Variants in BBS4 observed in about 807,000 individuals in gnomAD.
The protein encoded by BBS4 is BBSome complex member BBS4.
In BBS4, 58 loss-of-function variants were observed where a neutral mutation model predicts 71.4. The observed-to-expected ratio is 0.81, with a 90% confidence interval of 0.66 to 1.01. The LOEUF (loss-of-function observed/expected upper bound fraction) is 1.01. BBS4 is among the 50% of genes least tolerant of loss of function. The probability of loss-of-function intolerance (pLI) is 0.00; values close to 1 mark genes in which losing one functional copy is unlikely to be tolerated. For synonymous variants in BBS4, 228 were observed against 216.8 expected (o/e 1.05, Z -0.46); for missense variants, 660 against 607.9 (o/e 1.09, Z -0.90).
chr15:72,712,315 A>G lies in BBS4; in HGVS notation c.220+8A>G. The G allele has an allele frequency of 6.2e-7, 1 of 1,611,590 alleles. No individual in the cohort carries two copies. The highest frequency in any genetic ancestry group is 8.5e-7 in the Non-Finnish European group (1 of 1,177,654). On this transcript the variant is annotated splice_region_variant and intron_variant, in intron 4 of 15. Transcript: ENST00000268057. ...ATGCTATCTATGTCCAAGGTAAGAC[A>G]CATACTTCTTGTCTTCTTGCTAGAG...
chr15:72,688,431 T>TTTTTTTTTTTTTTTTTTTTTAA, intron 1 of BBS4, among the ~76,000 whole-genome samples: 1 of 144,658 alleles, frequency 6.9e-6, no homozygotes, highest in Admixed American at 6.9e-5. Flanking sequence ...TTTTTTTTTT[T>TTTTTTTTTTTTTTTTTTTTTAA]GAGACGGAGT....
intron 2 of BBS4, among the ~76,000 whole-genome samples, chr15:72,707,387 C>T (rs1213608696): frequency 3.3e-5 from 5 of 151,868 alleles, no homozygotes; most frequent in African/African-American, 1.2e-4. Flanking sequence ...CCATGTTGTC[C>T]AGGCTGACCT....
intron 2 of BBS4, among the ~76,000 whole-genome samples, chr15:72,695,618 A>G (rs1044179629): frequency 2.6e-5 from 4 of 152,168 alleles, no homozygotes; most frequent in African/African-American, 9.7e-5. Flanking sequence ...TCTTTTATCT[A>G]TTCTATATTA....
chr15:72,692,699 A>G (rs578044838), intron 1 of BBS4, among the ~76,000 whole-genome samples: 1 of 151,260 alleles, frequency 6.6e-6, no homozygotes, highest in African/African-American at 2.4e-5. Flanking sequence ...GGCTTAAGAG[A>G]TCCTCCCACC....
chr15:72,687,782 T>C (rs894655518), intron 1 of BBS4, among the ~76,000 whole-genome samples: 1 of 150,522 alleles, frequency 6.6e-6, no homozygotes, highest in African/African-American at 2.4e-5. Context: ...ATACAAAAAA[T>C]TAGCTGGACG....
intron 2 of BBS4, among the ~76,000 whole-genome samples, chr15:72,702,552 CTTTT>C (rs58374400): frequency 1.3e-5 from 2 of 151,832 alleles, no homozygotes; most frequent in African/African-American, 2.4e-5. Flanking sequence ...TTTTATATGA[CTTTT>C]TTCTTCCTCA....
chr15:72,695,749 G>A (rs1205569623), intron 2 of BBS4, among the ~76,000 whole-genome samples: 2 of 152,194 alleles, frequency 1.3e-5, no homozygotes, highest in African/African-American at 4.8e-5. Flanking sequence ...TTTAAATGGG[G>A]TTTGATTATT....
rs764080550 is a variant in BBS4 at position 72,731,365 on chromosome 15, A to G, written c.772A>G (p.Lys258Glu). ...CGGGGACTTTGATGTTGCCCTCACC[A>G]AATACAGAGTTGTGGCTTGTGCTGT... ...THGDFDVALTKYRVVACAVPE... is the reference protein window; with the variant it reads ...THGDFDVALTEYRVVACAVPE... The change falls in exon 11 of 16, where the codon AAA becomes GAA. Residue 258 changes from lysine (K) to glutamate (E), a missense_variant. Transcript: ENST00000268057. 1 of 1,614,152 alleles carries G rather than the reference A, an allele frequency of 6.2e-7. No homozygotes were observed. Among genetic ancestry groups the G allele is most frequent in the South Asian group, 1.1e-5 (1 of 91,080 alleles).
At chr15:72,722,887 A>G (rs966935212) in intron 7 of BBS4, 40 bp downstream of exon 7, 5 of 1,565,408 alleles carry the variant, frequency 3.2e-6, no homozygotes, top group Non-Finnish European at 3.5e-6. Flanking sequence ...CTGAGGGTGC[A>G]CTTGTTGCAG....
chr15:72,702,838 C>T (rs1168377353), intron 2 of BBS4, among the ~76,000 whole-genome samples: 110 of 89,550 alleles, frequency 1.2e-3, no homozygotes, highest in African/African-American at 3.9e-3. Flanking sequence ...GACGGAGTCT[C>T]GCTCTGTCGC....
chr15:72,732,471 T>A (rs1450797411), intron 12 of BBS4, among the ~76,000 whole-genome samples: 2 of 152,206 alleles, frequency 1.3e-5, no homozygotes, highest in Non-Finnish European at 2.9e-5. Flanking sequence ...CCATATACAT[T>A]TACTTACTAA....
In BBS4 at chr15:72,738,339, A is replaced by G. The variant is rs1301143036; in HGVS notation, c.*752A>G. The G allele has an allele frequency of 2.2e-5, 10 of 453,940 alleles. No individual in the cohort carries two copies. Among genetic ancestry groups the G allele is most frequent in the Admixed American group, 1.4e-4 (6 of 42,544 alleles). 28.1% of individuals were successfully genotyped at this position (453,940 alleles called of 1,614,324 possible). A position where few individuals can be genotyped will look rare whatever the true frequency, so the allele number is the denominator to read the frequency against. Reference sequence around the variant, plus strand: ...TAATTGTTATTGAAGATAGTCAGTGATAACCACTGACCAGATGCTATCAAT... The same window carrying G: ...TAATTGTTATTGAAGATAGTCAGTGGTAACCACTGACCAGATGCTATCAAT... On this transcript the variant is annotated 3_prime_UTR_variant, in exon 16 of 16. Coordinates refer to ENST00000268057, the MANE Select transcript of BBS4 (RefSeq NM_033028.5).
Position 72,727,992 on chromosome 15 carries a change from C to T in BBS4, c.640C>T (p.Gln214Ter), listed in dbSNP as rs1375331013. The change falls in exon 9 of 16, where the codon CAG (glutamine) becomes TAG (stop). Residue 214 changes from glutamine (Q) to a stop codon, truncating the protein, a stop_gained and splice_region_variant. Transcript: ENST00000268057. LOFTEE classifies it high-confidence loss of function. ...LLTTLGLLYL[Q>*]LGIYQKAFEH... is the part of the protein sequence containing the mutation. Reference sequence around the variant, plus strand: ...TACAACTTTAGGATTACTCTACTTACAGGTAATGAAAACTCTGTACTCATT... The same window carrying T: ...TACAACTTTAGGATTACTCTACTTATAGGTAATGAAAACTCTGTACTCATT... The T allele has an allele frequency of 3.1e-6, 5 of 1,610,022 alleles. No individual in the cohort carries two copies. The highest frequency in any genetic ancestry group is 1.6e-4 in the Middle Eastern group (1 of 6,080).
chr15:72,701,538 G>A (rs1183111114), intron 2 of BBS4, among the ~76,000 whole-genome samples: 1 of 151,900 alleles, frequency 6.6e-6, no homozygotes, highest in Non-Finnish European at 1.5e-5. Context: ...TTTAAAATGC[G>A]GTCAATATAA....
chr15:72,686,709 G>A (rs2064851228), intron 1 of BBS4: 1 of 589,514 alleles, frequency 1.7e-6, no homozygotes. Flanking sequence ...GGAAAGTACG[G>A]TTTTGGAATT....
chr15:72,695,214 C>A lies in BBS4; in HGVS notation c.62C>A (p.Pro21His). Residue 21 changes from proline to histidine, a missense_variant, in exon 2 of 16, where the codon CCC (proline) becomes CAC (histidine). Physicochemically the swap from Pro to His is moderately conservative, Grantham distance 77 (BLOSUM62 -2). Coordinates refer to ENST00000268057, the MANE Select transcript of BBS4 (RefSeq NM_033028.5). ...CCTGTATCTACTGAGTCTCAAAAAC[C>A]CCGGCAGAAAAAAGGTCTGTATGCA... is the stretch of plus-strand genomic sequence containing the variant. ...QFPVSTESQK[P>H]RQKKAPEFPI... 1 of 1,603,566 alleles carries A rather than the reference C, an allele frequency of 6.2e-7. No individual in the cohort carries two copies. Among genetic ancestry groups the A allele is most frequent in the Non-Finnish European group, 8.5e-7 (1 of 1,171,008 alleles).
chr15:72,706,517 C>T (rs777462497), intron 2 of BBS4, among the ~76,000 whole-genome samples: 4 of 151,960 alleles, frequency 2.6e-5, no homozygotes, highest in Non-Finnish European at 4.4e-5. Context: ...GTGGCTTTTT[C>T]GAAGGAGATT....
At position 72,688,430 on chromosome 15, in the gene BBS4, T is replaced by TTTTTTTTTTTC. The variant is rs1285460524; in HGVS notation, c.24+2180_24+2181insTTTTTTTTTCT. ...TTTTATCTTTTTTTTTTTTTTTTTT[T>TTTTTTTTTTTC]TGAGACGGAGTCTCACTTTGTCGCC... On this transcript the variant is annotated intron_variant, in intron 1 of 15. Coordinates refer to ENST00000268057, the MANE Select transcript of BBS4 (RefSeq NM_033028.5). 2.8e-5 allele frequency among the ~76,000 whole-genome samples: 4 copies of TTTTTTTTTTTC among 144,556 alleles called. 1 individual carries two copies. The highest frequency in any genetic ancestry group is 1.1e-4 in the African/African-American group (4 of 37,956). The allele number at this position is 144,556 out of a possible 152,430, so 94.8% of individuals were successfully genotyped here.
At chr15:72,729,406 A>G (rs551135952) in intron 9 of BBS4, among the ~76,000 whole-genome samples, 1 of 151,958 alleles carries the variant, frequency 6.6e-6, no homozygotes, top group East Asian at 1.9e-4. Context: ...ATGTGCCACC[A>G]TGCCTGGGTA....
Sources: gnomAD v4.1 joint callset for allele counts (sites outside exome capture counted in the v4.1 genomes callset) on GRCh38, gnomAD v4.1.1 for gene constraint, MANE v1.5 for transcripts, NCBI Gene and HGNC (gene_info 2026-07-23, HGNC 2026-07-21) for gene names.